The following COL26A1 variants were observed in gnomAD, a reference collection of about 807,000 sequenced individuals.
COL26A1 encodes collagen alpha-1(XXVI) chain.
In COL26A1, 41 loss-of-function variants were observed where a neutral mutation model predicts 59.3. The ratio of observed to expected loss-of-function variants is 0.69; its 90% CI spans 0.54 to 0.90. COL26A1 has a LOEUF of 0.90. Ranked by LOEUF, COL26A1 falls within the 40% of genes least tolerant of loss-of-function variation. The pLI, the probability that COL26A1 is intolerant of heterozygous loss-of-function variation, is 0.00. For missense variants in COL26A1, 612 were observed against 602.3 expected, an observed-to-expected ratio of 1.02 and a Z score of -0.17; for synonymous variants, 266 against 256.0, an observed-to-expected ratio of 1.04 and a Z score of -0.37.
intron 2 of COL26A1, among the ~76,000 whole-genome samples, chr7:101,420,647 C>T (rs1426423678): frequency 6.7e-6 from 1 of 149,430 alleles, no homozygotes; most frequent in Non-Finnish European, 1.5e-5. Context: ...CTGCCCCCAC[C>T]AGCCTTGCCC....
intron 3 of COL26A1, among the ~76,000 whole-genome samples, chr7:101,475,821 T>G (rs761472674): frequency 6.7e-6 from 1 of 148,198 alleles, no homozygotes; most frequent in Non-Finnish European, 1.5e-5. Context: ...TCTTTCTTTC[T>G]CTCTCTTTCT....
chr7:101,453,898 A>C (rs1793403732), intron 3 of COL26A1, among the ~76,000 whole-genome samples: 1 of 152,112 alleles, frequency 6.6e-6, no homozygotes, highest in Admixed American at 6.5e-5. Flanking sequence ...AAGCAGGTCC[A>C]TGAGATGCAG....
At chr7:101,489,381 C>G (rs1010953536) in intron 3 of COL26A1, among the ~76,000 whole-genome samples, 1 of 152,166 alleles carries the variant, frequency 6.6e-6, no homozygotes, top group Non-Finnish European at 1.5e-5. Flanking sequence ...CTGTGCTCAG[C>G]CTGACCAGAG....
At chr7:101,504,237 A>C (rs1208270845) in intron 3 of COL26A1, among the ~76,000 whole-genome samples, 1 of 152,126 alleles carries the variant, frequency 6.6e-6, no homozygotes, top group Non-Finnish European at 1.5e-5. Flanking sequence ...AGCAGCTGGA[A>C]TTACAGGCGC....
chr7:101,542,399 C>A, intron 5 of COL26A1, among the ~76,000 whole-genome samples: 1 of 152,300 alleles, frequency 6.6e-6, no homozygotes, highest in East Asian at 1.9e-4. Context: ...GCGCACCCAG[C>A]CTACAGATAT....
intron 1 of COL26A1, among the ~76,000 whole-genome samples, chr7:101,394,942 C>T (rs564563187): frequency 3.0e-5 from 4 of 134,902 alleles, no homozygotes; most frequent in South Asian, 2.4e-4. Flanking sequence ...GGTGTGATCT[C>T]GGCTCACTGA....
At chr7:101,466,756 TAGGA>T (rs1793766659) in intron 3 of COL26A1, among the ~76,000 whole-genome samples, 2 of 150,682 alleles carry the variant, frequency 1.3e-5, no homozygotes, top group East Asian at 3.9e-4. Flanking sequence ...TATAGATGCT[TAGGA>T]CTGAGATGAG....
intron 1 of COL26A1, among the ~76,000 whole-genome samples, chr7:101,373,302 T>G: frequency 6.6e-6 from 1 of 152,220 alleles, no homozygotes. Context: ...CTCCAGTGCC[T>G]GGGGGACACC....
chr7:101,465,834 G>T (rs1313772628), intron 3 of COL26A1, among the ~76,000 whole-genome samples: 1 of 152,204 alleles, frequency 6.6e-6, no homozygotes, highest in East Asian at 1.9e-4. Context: ...CAAACAGGAG[G>T]AGCAGAATGG....
rs35564798 is a variant in COL26A1 at position 101,434,564 on chromosome 7, A to AT, written c.282-13107dup. Reference sequence around the variant, plus strand: ...GGTGTGAGCCACTGCGCCTGGCCTGATTTTTTTTTTTTTAATAATATTAGA... The same window carrying AT: ...GGTGTGAGCCACTGCGCCTGGCCTGATTTTTTTTTTTTTTAATAATATTAGA... On this transcript the variant is annotated intron_variant, in intron 2 of 12. Coordinates refer to ENST00000313669, the MANE Select transcript of COL26A1 (RefSeq NM_001278563.3). 4.9e-3 allele frequency among the ~76,000 whole-genome samples: 727 copies of AT among 149,002 alleles called. 4 individuals carry two copies. The highest frequency in any genetic ancestry group is 0.015 in the African/African-American group (632 of 40,802).
At chr7:101,539,773 G>A in intron 4 of COL26A1, 120 bp from the exon 5 acceptor site, 2 of 1,014,060 alleles carry the variant, frequency 2.0e-6, no homozygotes, top group Non-Finnish European at 2.8e-6. Flanking sequence ...GCGTGACGGG[G>A]CACACACAGC....
chr7:101,408,717 G>T (rs1792181956), intron 1 of COL26A1, among the ~76,000 whole-genome samples: 2 of 152,304 alleles, frequency 1.3e-5, no homozygotes, highest in South Asian at 4.1e-4. Flanking sequence ...TGGGCTCTGG[G>T]GCTGCAGTGC....
chr7:101,492,498 A>G (rs1322931955), intron 3 of COL26A1, among the ~76,000 whole-genome samples: 1 of 151,870 alleles, frequency 6.6e-6, no homozygotes, highest in African/African-American at 2.4e-5. Context: ...GGAGTTCAAG[A>G]TCAGCCTGGC....
At chr7:101,389,723 A>G (rs1194276765) in intron 1 of COL26A1, among the ~76,000 whole-genome samples, 2 of 151,916 alleles carry the variant, frequency 1.3e-5, no homozygotes, top group African/African-American at 4.8e-5. Flanking sequence ...CCAGCTAATT[A>G]TGTACTTTTA....
chr7:101,531,349 G>C (rs1254676756), intron 3 of COL26A1, among the ~76,000 whole-genome samples: 1 of 152,188 alleles, frequency 6.6e-6, no homozygotes, highest in Non-Finnish European at 1.5e-5. Context: ...TGTTTAACTA[G>C]AAAACCACAT....
intron 3 of COL26A1, among the ~76,000 whole-genome samples, chr7:101,513,782 C>T (rs1410439390): frequency 6.6e-6 from 1 of 152,096 alleles, no homozygotes; most frequent in Non-Finnish European, 1.5e-5. Context: ...ATTTTTATGA[C>T]AAAAGGCAGT....
At position 101,551,106 on chromosome 7, in the gene COL26A1, A is replaced by C. The variant is rs1159457095; in HGVS notation, c.994-2A>C. ...TCACACGCTTCCTTTGGTTTTCTGC[A>C]GGGCCTGGCTGGAGAGCGAGGCACA... On this transcript the variant is annotated splice_acceptor_variant, in intron 9 of 12. Coordinates refer to ENST00000313669, the MANE Select transcript of COL26A1 (RefSeq NM_001278563.3). LOFTEE classifies it high-confidence loss of function. 1 of 1,556,170 alleles carries C rather than the reference A, an allele frequency of 6.4e-7. No homozygotes were observed. The highest frequency in any genetic ancestry group is 2.4e-5 in the East Asian group (1 of 41,626).
At chr7:101,520,663 C>CACACACACACACACA (rs57784373) in intron 3 of COL26A1, among the ~76,000 whole-genome samples, 14 of 139,118 alleles carry the variant, frequency 1.0e-4, no homozygotes, top group Admixed American at 1.4e-4. Context: ...CACACACACA[C>CACACACACACACACA]CCCCGTGTTC....
chr7:101,477,467 G>C (rs1794074172), intron 3 of COL26A1, among the ~76,000 whole-genome samples: 1 of 152,220 alleles, frequency 6.6e-6, no homozygotes, highest in Non-Finnish European at 1.5e-5. Context: ...GGATCTGCCT[G>C]AGAAAATTTG....
Sources: allele counts gnomAD v4.1 joint callset (sites outside exome capture counted in the v4.1 genomes callset), GRCh38; gene constraint gnomAD v4.1.1; transcripts MANE v1.5; gene names NCBI Gene and HGNC (gene_info 2026-07-23, HGNC 2026-07-21).